Variants in IL1RAPL2 observed in about 807,000 individuals in gnomAD.
IL1RAPL2 encodes interleukin 1 receptor accessory protein like 2, also known as X-linked interleukin-1 receptor accessory protein-like 2.
In IL1RAPL2, 3 loss-of-function variants were observed where a neutral mutation model predicts 44.1. The observed-to-expected ratio is 0.07, with a 90% CI of 0.03 to 0.18. IL1RAPL2 has a LOEUF of 0.18. IL1RAPL2 is among the 10% of genes least tolerant of loss of function. IL1RAPL2 has a pLI of 1.00. For synonymous variants in IL1RAPL2, 181 were observed against 178.8 expected, an observed-to-expected ratio of 1.01 and a Z score of -0.10; for missense variants, 391 against 496.4, an observed-to-expected ratio of 0.79 and a Z score of 2.02.
intron 1 of IL1RAPL2, among the ~76,000 whole-genome samples, chrX:104,598,232 A>AT (rs1928806777): frequency 1.8e-5 from 2 of 111,830 alleles, no homozygotes; most frequent in South Asian, 7.5e-4. Context: ...TGTATTACAC[A>AT]TTTTTTGTTG....
At chrX:105,532,589 T>G (rs1301526908) in intron 6 of IL1RAPL2, among the ~76,000 whole-genome samples, 1 of 111,029 alleles carries the variant, frequency 9.0e-6, no homozygotes, top group African/African-American at 3.3e-5. Flanking sequence ...ATTTTTTAAA[T>G]GTATGTATTT....
At chrX:104,848,015 A>G (rs973117739) in intron 2 of IL1RAPL2, among the ~76,000 whole-genome samples, 2 of 110,100 alleles carry the variant, frequency 1.8e-5, no homozygotes, top group African/African-American at 6.6e-5. Context: ...GGTGTATAAG[A>G]ATGCTTGTGA....
chrX:105,110,140 T>C (rs2032786480), intron 2 of IL1RAPL2, among the ~76,000 whole-genome samples: 1 of 112,297 alleles, frequency 8.9e-6, no homozygotes. Context: ...CTTTCCATGA[T>C]ACCCAGCCAA....
At chrX:105,128,554 T>G (rs775931706) in intron 2 of IL1RAPL2, among the ~76,000 whole-genome samples, 16 of 111,439 alleles carry the variant, frequency 1.4e-4, no homozygotes, top group Non-Finnish European at 2.8e-4. Flanking sequence ...TAACTCATAT[T>G]AAAAAAGGTA....
At chrX:105,248,823 T>C (rs778437967) in intron 4 of IL1RAPL2, among the ~76,000 whole-genome samples, 7 of 111,531 alleles carry the variant, frequency 6.3e-5, no homozygotes, top group Non-Finnish European at 1.1e-4. Flanking sequence ...CAGTGACTTA[T>C]ATCCAAAATG....
chrX:105,478,522 A>G (rs910842936), intron 5 of IL1RAPL2, among the ~76,000 whole-genome samples: 26 of 111,265 alleles, frequency 2.3e-4, no homozygotes, highest in Non-Finnish European at 2.1e-4. Context: ...AAAACATTTA[A>G]CCAAGATACA....
intron 1 of IL1RAPL2, among the ~76,000 whole-genome samples, chrX:104,624,967 A>G (rs1048863382): frequency 1.8e-5 from 2 of 112,231 alleles, no homozygotes; most frequent in Non-Finnish European, 3.8e-5. Flanking sequence ...TTTAAAAATT[A>G]TATATCACTC....
intron 5 of IL1RAPL2, among the ~76,000 whole-genome samples, chrX:105,460,099 A>C (rs960926104): frequency 9.0e-6 from 1 of 110,950 alleles, no homozygotes; most frequent in Non-Finnish European, 1.9e-5. Context: ...TGAAGCAGGC[A>C]AAGTTATGTC....
intron 2 of IL1RAPL2, among the ~76,000 whole-genome samples, chrX:104,661,433 TTTTGTTTGTATG>T: frequency 9.0e-6 from 1 of 111,294 alleles, no homozygotes; most frequent in East Asian, 2.9e-4. Context: ...TCTGTGTGTT[TTTTGTTTGTATG>T]TTTGTTTATT....
chrX:105,372,368 G>A (rs371198266), intron 5 of IL1RAPL2, among the ~76,000 whole-genome samples: 5 of 108,601 alleles, frequency 4.6e-5, no homozygotes, highest in South Asian at 8.4e-4. Context: ...CCCAGGAGGC[G>A]GAGGTTGCAG....
chrX:104,668,899 G>A (rs1288304140), intron 2 of IL1RAPL2, among the ~76,000 whole-genome samples: 3 of 110,617 alleles, frequency 2.7e-5, no homozygotes, highest in Admixed American at 9.7e-5. Flanking sequence ...CCACAACCAC[G>A]ATTCTTCAGT....
chrX:105,396,221 C>T (rs959099352), intron 5 of IL1RAPL2, among the ~76,000 whole-genome samples: 1 of 109,780 alleles, frequency 9.1e-6, no homozygotes, highest in Non-Finnish European at 1.9e-5. Context: ...CATTCGGATG[C>T]ACAGGGTAAA....
chrX:104,815,617 T>C (rs1054919489), intron 2 of IL1RAPL2, among the ~76,000 whole-genome samples: 1 of 112,204 alleles, frequency 8.9e-6, no homozygotes, highest in Non-Finnish European at 1.9e-5. Flanking sequence ...TTAATGCATA[T>C]GAATACATTT....
At chrX:105,252,732 C>T (rs1056207341) in intron 4 of IL1RAPL2, among the ~76,000 whole-genome samples, 3 of 111,563 alleles carry the variant, frequency 2.7e-5, no homozygotes, top group Non-Finnish European at 5.7e-5. Context: ...GATGACAGCT[C>T]CTTTTTACTG....
intron 6 of IL1RAPL2, among the ~76,000 whole-genome samples, chrX:105,662,562 CTCT>C (rs1569462907): frequency 8.9e-5 from 10 of 112,155 alleles, no homozygotes; most frequent in Admixed American, 4.7e-4. Flanking sequence ...TAGTTCCTCT[CTCT>C]TAGAGTATGG....
rs1212151301 is a variant in IL1RAPL2, at chrX:105,382,659, A to G, written c.698-101654A>G. Among the ~76,000 whole-genome samples, 18 of 106,092 alleles carry G rather than the reference A, an allele frequency of 1.7e-4. No individual in the cohort carries two copies. In the Admixed American group the frequency reaches 1.7e-3, roughly 10 times the overall value. The allele number at this position is 106,092 out of a possible 115,157, so 92.1% of individuals were successfully genotyped here. A position where few individuals can be genotyped will look rare whatever the true frequency, so the allele number is the denominator to read the frequency against. On this transcript the variant is annotated intron_variant, in intron 5 of 10. Coordinates refer to ENST00000372582, the MANE Select transcript of IL1RAPL2 (RefSeq NM_017416.2). ...GATTATAAATCATGCTGCTATAAAG[A>G]CACATGCACACATATGTTTATTGCG...
intron 1 of IL1RAPL2, among the ~76,000 whole-genome samples, chrX:104,635,034 C>T (rs1259951057): frequency 3.7e-4 from 41 of 110,977 alleles, no homozygotes; most frequent in Non-Finnish European, 7.3e-4. Flanking sequence ...TTAGGGCAGG[C>T]CTGGTGGTGA....
At chrX:104,677,437 G>A (rs945679281) in intron 2 of IL1RAPL2, among the ~76,000 whole-genome samples, 31 of 111,391 alleles carry the variant, frequency 2.8e-4, no homozygotes, top group African/African-American at 7.8e-4. Flanking sequence ...ACCCACTTGA[G>A]GAGGCAGTCT....
chrX:105,570,775 G>A lies in IL1RAPL2; in HGVS notation c.772+86388G>A, dbSNP rs113998969. ...TCCCCCTTTATACATGTTTGCATCA[G>A]AAAGGAAGATATTTGATATGAAAGA... On this transcript the variant is annotated intron_variant, in intron 6 of 10. Coordinates refer to ENST00000372582, the MANE Select transcript of IL1RAPL2 (RefSeq NM_017416.2). 3.3e-3 allele frequency among the ~76,000 whole-genome samples: 368 copies of A among 111,731 alleles called. 2 individuals carry two copies. Among genetic ancestry groups the A allele is most frequent in the African/African-American group, 0.011 (347 of 30,800 alleles).
Sources: allele counts gnomAD v4.1 joint callset (sites outside exome capture counted in the v4.1 genomes callset), GRCh38; gene constraint gnomAD v4.1.1; transcripts MANE v1.5; gene names NCBI Gene and HGNC (gene_info 2026-07-23, HGNC 2026-07-21).